Variants in RIN3 observed in about 807,000 individuals in gnomAD.
RIN3 encodes Ras and Rab interactor 3.
A neutral mutation model predicts 76.3 loss-of-function variants in RIN3; 54 were observed. The observed-to-expected ratio is 0.71, with a 90% CI of 0.57 to 0.89. The LOEUF (loss-of-function observed/expected upper bound fraction) is 0.89, where lower values mean the gene tolerates loss of function less well. Among genes scored for constraint, RIN3 ranks in the 40% least tolerant of loss-of-function variants. The pLI, the probability that RIN3 is intolerant of heterozygous loss-of-function variation, is 0.00. For synonymous variants in RIN3, 576 were observed against 564.0 expected, an observed-to-expected ratio of 1.02 and a Z score of -0.30; for missense variants, 1,256 against 1,322.1, an observed-to-expected ratio of 0.95 and a Z score of 0.78.
intron 1 of RIN3, among the ~76,000 whole-genome samples, chr14:92,525,482 C>T (rs1326050252): frequency 6.6e-6 from 1 of 151,772 alleles, no homozygotes; most frequent in Admixed American, 6.6e-5. Context: ...TAAGTGTTTG[C>T]TGAGTTAATA....
At chr14:92,549,332 G>A (rs1013133650) in intron 1 of RIN3, among the ~76,000 whole-genome samples, 29 of 152,156 alleles carry the variant, frequency 1.9e-4, no homozygotes, top group Non-Finnish European at 2.5e-4. Flanking sequence ...GGTTCCCACC[G>A]TGAGGCTGCA....
chr14:92,578,248 A>G (rs1898317239), intron 3 of RIN3, among the ~76,000 whole-genome samples: 1 of 151,840 alleles, frequency 6.6e-6, no homozygotes, highest in South Asian at 2.1e-4. Context: ...AAAAAAAAAA[A>G]AGAAAAAAAA....
chr14:92,628,025 C>T (rs1269450433), intron 4 of RIN3, among the ~76,000 whole-genome samples: 1 of 152,170 alleles, frequency 6.6e-6, no homozygotes, highest in Non-Finnish European at 1.5e-5. Flanking sequence ...TCGGACCACA[C>T]AATCTAGGCT....
intron 2 of RIN3, among the ~76,000 whole-genome samples, chr14:92,559,264 C>A (rs1897694184): frequency 6.6e-6 from 1 of 152,126 alleles, no homozygotes; most frequent in African/African-American, 2.4e-5. Flanking sequence ...GGCTGGAGTC[C>A]ACTAAAAAGA....
rs1045611431 is a variant in RIN3, at chr14:92,656,266, G to A, written c.2027-2895G>A. 6.6e-6 allele frequency among the ~76,000 whole-genome samples: 1 copy of A among 152,210 alleles called. No individual in the cohort carries two copies. The highest frequency in any genetic ancestry group is 2.4e-5 in the African/African-American group (1 of 41,444). ...ATGACAGCGTGGACAAAGGCCGAGA[G>A]GTGGGGAACGAGGCTGGAGGATCAC... On this transcript the variant is annotated intron_variant, in intron 6 of 9. Transcript: ENST00000216487. This position sits in a 1 kb window ranked among gnomAD's most constrained non-coding sequence, Gnocchi z 5.2.
intron 1 of RIN3, among the ~76,000 whole-genome samples, chr14:92,520,616 G>GCACA: frequency 6.6e-6 from 1 of 152,196 alleles, no homozygotes; most frequent in African/African-American, 2.4e-5. Context: ...AGAGAGGGGT[G>GCACA]GACAGAGGGC....
In RIN3 at chr14:92,656,678, A is replaced by G. The variant is rs1887680146; in HGVS notation, c.2027-2483A>G. On this transcript the variant is annotated intron_variant, in intron 6 of 9. Coordinates refer to ENST00000216487, the MANE Select transcript of RIN3 (RefSeq NM_024832.5). This position sits in a 1 kb window ranked among gnomAD's most constrained non-coding sequence, Gnocchi z 5.2. ...CCGTGGGCACGAATGTGTGGGGCAG[A>G]GAGGTTTCCAGGCAGTGAGAGGTGG... Among the ~76,000 whole-genome samples, 1 of 152,200 alleles carries G rather than the reference A, an allele frequency of 6.6e-6. No individual in the cohort carries two copies. Among genetic ancestry groups the G allele is most frequent in the South Asian group, 2.1e-4 (1 of 4,832 alleles).
intron 1 of RIN3, among the ~76,000 whole-genome samples, chr14:92,527,014 TTC>T (rs1430825447): frequency 1.3e-5 from 2 of 151,668 alleles, no homozygotes; most frequent in Admixed American, 1.3e-4. Flanking sequence ...CTTGGCTGTG[TTC>T]TCTCTGTGTC....
chr14:92,634,166 C>A (rs1886692242), intron 4 of RIN3, among the ~76,000 whole-genome samples: 1 of 149,136 alleles, frequency 6.7e-6, no homozygotes, highest in African/African-American at 2.5e-5. Flanking sequence ...CCTCCGCCTC[C>A]TGGGTTCAAG....
Position 92,614,799 on chromosome 14 carries a change from T to TTTTATA in RIN3, c.368-607_368-606insTTATAT, listed in dbSNP as rs1555388278. On this transcript the variant is annotated intron_variant, in intron 3 of 9. Coordinates refer to ENST00000216487, the MANE Select transcript of RIN3 (RefSeq NM_024832.5). ...AGAACTGTGAGTCCATTAAACCTCT[T>TTTTATA]TATATATATATATATATATATAAAT... Among the ~76,000 whole-genome samples the TTTTATA allele has an allele frequency of 8.6e-3, 892 of 103,384 alleles. 5 individuals carry two copies. The highest frequency in any genetic ancestry group is 0.014 in the African/African-American group (288 of 20,892). 67.8% of individuals were successfully genotyped at this position (103,384 alleles called of 152,430 possible).
At chr14:92,628,510 T>C (rs2140117228) in intron 4 of RIN3, among the ~76,000 whole-genome samples, 1 of 152,314 alleles carries the variant, frequency 6.6e-6, no homozygotes, top group South Asian at 2.1e-4. Context: ...CCACTTTCCA[T>C]GTGTTCCCTC....
At chr14:92,536,236 C>T (rs1290216654) in intron 1 of RIN3, among the ~76,000 whole-genome samples, 1 of 152,148 alleles carries the variant, frequency 6.6e-6, no homozygotes, top group Non-Finnish European at 1.5e-5. Flanking sequence ...TCACACAACA[C>T]CTTTGGGATT....
intron 5 of RIN3, among the ~76,000 whole-genome samples, chr14:92,647,914 C>T (rs1887259175): frequency 6.6e-6 from 1 of 152,102 alleles, no homozygotes. Context: ...GAGGCCAGGG[C>T]AAGGATGGGC....
intron 1 of RIN3, among the ~76,000 whole-genome samples, chr14:92,525,088 G>A (rs1896694545): frequency 6.6e-6 from 1 of 152,222 alleles, no homozygotes; most frequent in African/African-American, 2.4e-5. Context: ...CTGGGTAGGG[G>A]CTGAACTTTC....
At chr14:92,576,480 C>T in intron 2 of RIN3, 1 of 1,171,320 alleles carries the variant, frequency 8.5e-7, no homozygotes, top group Non-Finnish European at 1.1e-6. Flanking sequence ...AGTCTTCCTG[C>T]TCAGGACTTG....
At chr14:92,579,503 G>T (rs1351610232) in intron 3 of RIN3, among the ~76,000 whole-genome samples, 1 of 152,218 alleles carries the variant, frequency 6.6e-6, no homozygotes, top group Non-Finnish European at 1.5e-5. Flanking sequence ...AGTTTCAATG[G>T]CTATGTGTAT....
intron 4 of RIN3, among the ~76,000 whole-genome samples, chr14:92,637,673 G>A (rs1886823763): frequency 6.6e-6 from 1 of 152,154 alleles, no homozygotes; most frequent in South Asian, 2.1e-4. Flanking sequence ...GTTGACAATA[G>A]CACTTAGATC....
At position 92,555,907 on chromosome 14, in the gene RIN3, T is replaced by G. The variant is rs370079806; in HGVS notation, c.201T>G (p.Ser67Arg). 1 of 1,613,602 alleles carries G rather than the reference T, an allele frequency of 6.2e-7. No individual in the cohort carries two copies. The highest frequency in any genetic ancestry group is 8.5e-7 in the Non-Finnish European group (1 of 1,180,004). The stretch of plus-strand genomic sequence containing the variant: ...CATGCCCGGTGTGGCTGCAGCTGAG[T>G]CTGGGCCAGGCAGAGGTGGCCAGGA... ...IKTCPVWLQL[S>R]LGQAEVARIL... Residue 67 changes from serine to arginine, a missense_variant, in exon 2 of 10, where the codon AGT becomes AGG. Coordinates refer to ENST00000216487, the MANE Select transcript of RIN3 (RefSeq NM_024832.5).
chr14:92,545,347 T>C (rs550145400), intron 1 of RIN3, among the ~76,000 whole-genome samples: 1 of 151,988 alleles, frequency 6.6e-6, no homozygotes, highest in African/African-American at 2.4e-5. Flanking sequence ...CCTGACCTCG[T>C]GATCCACCTG....
Sources: gnomAD v4.1 joint callset for allele counts (sites outside exome capture counted in the v4.1 genomes callset) on GRCh38, gnomAD v4.1.1 for gene constraint, Gnocchi (gnomAD v3.1) non-coding constraint, MANE v1.5 for transcripts, NCBI Gene and HGNC (gene_info 2026-07-23, HGNC 2026-07-21) for gene names.